The following PRKCA variants were observed in gnomAD, a reference collection of about 807,000 sequenced individuals.
The protein encoded by PRKCA is protein kinase C alpha type.
A neutral mutation model predicts 87.0 loss-of-function variants in PRKCA; 27 were observed. The observed-to-expected ratio is 0.31, with a 90% confidence interval of 0.23 to 0.43. The LOEUF is 0.43. Ranked by LOEUF, PRKCA falls within the 20% of genes least tolerant of loss-of-function variation. The pLI is 1.00. For synonymous variants in PRKCA, 329 were observed against 311.1 expected, an observed-to-expected ratio of 1.06 and a Z score of -0.61; for missense variants, 518 against 852.3, an observed-to-expected ratio of 0.61 and a Z score of 4.88.
At chr17:66,758,422 A>G (rs1974606656) in intron 13 of PRKCA, among the ~76,000 whole-genome samples, 1 of 152,196 alleles carries the variant, frequency 6.6e-6, no homozygotes, top group Admixed American at 6.5e-5. Context: ...TGAAGCATAC[A>G]GGTCCTGGCA....
chr17:66,310,673 GA>G (rs922146438), intron 2 of PRKCA, among the ~76,000 whole-genome samples: 8 of 151,876 alleles, frequency 5.3e-5, no homozygotes, highest in African/African-American at 1.9e-4. Flanking sequence ...TTTAAGGGAA[GA>G]AAAAAAAGAA....
At chr17:66,321,947 T>C (rs1905696063) in intron 2 of PRKCA, among the ~76,000 whole-genome samples, 1 of 152,224 alleles carries the variant, frequency 6.6e-6, no homozygotes, top group African/African-American at 2.4e-5. Flanking sequence ...AAACCATCCT[T>C]GGCTCTAACA....
At chr17:66,647,574 A>G (rs182564080) in intron 5 of PRKCA, among the ~76,000 whole-genome samples, 1 of 152,338 alleles carries the variant, frequency 6.6e-6, no homozygotes, top group East Asian at 1.9e-4. Context: ...ACCTTCCAGT[A>G]TCTCCTATAA....
At chr17:66,473,629 T>C (rs1294896179) in intron 2 of PRKCA, among the ~76,000 whole-genome samples, 2 of 152,166 alleles carry the variant, frequency 1.3e-5, no homozygotes, top group East Asian at 1.9e-4. Flanking sequence ...TTAAGGAGTA[T>C]AGTGTCTAGC....
chr17:66,522,473 C>T (rs1466925652), intron 3 of PRKCA, among the ~76,000 whole-genome samples: 1 of 152,054 alleles, frequency 6.6e-6, no homozygotes, highest in Non-Finnish European at 1.5e-5. Flanking sequence ...GTAGGAGCAC[C>T]TTGAGCGAAG....
At chr17:66,385,799 T>C (rs1005030140) in intron 2 of PRKCA, among the ~76,000 whole-genome samples, 1 of 152,174 alleles carries the variant, frequency 6.6e-6, no homozygotes, top group Non-Finnish European at 1.5e-5. Context: ...CATCTTGCTG[T>C]GTTGCCTAGG....
At chr17:66,417,569 A>G (rs1003797145) in intron 2 of PRKCA, among the ~76,000 whole-genome samples, 2 of 152,108 alleles carry the variant, frequency 1.3e-5, no homozygotes, top group Admixed American at 1.3e-4. Flanking sequence ...GCAAACACTC[A>G]TCACATGTAC....
At chr17:66,409,441 A>G (rs1021146867) in intron 2 of PRKCA, among the ~76,000 whole-genome samples, 4 of 152,214 alleles carry the variant, frequency 2.6e-5, no homozygotes, top group African/African-American at 9.6e-5. Context: ...TAGGGATGGA[A>G]AAACTTAGGA....
chr17:66,489,964 AG>A (rs1272776380), intron 2 of PRKCA, among the ~76,000 whole-genome samples: 1 of 151,712 alleles, frequency 6.6e-6, no homozygotes, highest in Non-Finnish European at 1.5e-5. Context: ...TAATTTTAGT[AG>A]AGACAGGGTT....
At chr17:66,595,573 C>A (rs1002226115) in intron 3 of PRKCA, among the ~76,000 whole-genome samples, 1 of 149,736 alleles carries the variant, frequency 6.7e-6, no homozygotes, top group African/African-American at 2.5e-5. Context: ...TATTCTCCTG[C>A]CTCAGCCTCC....
At chr17:66,790,068 C>T (rs1213801732) in intron 16 of PRKCA, among the ~76,000 whole-genome samples, 1 of 152,226 alleles carries the variant, frequency 6.6e-6, no homozygotes, top group Non-Finnish European at 1.5e-5. Flanking sequence ...AGAAGCATCG[C>T]CCTGTTGGTT....
chr17:66,496,419 G>A (rs1916476257), intron 3 of PRKCA, 136 bp downstream of exon 3: 2 of 694,292 alleles, frequency 2.9e-6, no homozygotes, highest in African/African-American at 1.8e-5. Flanking sequence ...TTGGCTTGTA[G>A]TAATGAGCAG....
chr17:66,662,968 A>G (rs959048174), intron 5 of PRKCA, among the ~76,000 whole-genome samples: 1 of 152,160 alleles, frequency 6.6e-6, no homozygotes, highest in African/African-American at 2.4e-5. Context: ...GTGTATGGGA[A>G]AGTCGTCGAT....
At chr17:66,681,801 C>T (rs1972502249) in intron 5 of PRKCA, among the ~76,000 whole-genome samples, 1 of 152,230 alleles carries the variant, frequency 6.6e-6, no homozygotes, top group Admixed American at 6.5e-5. Context: ...GATGGCCTGA[C>T]TTTCCCCTGT....
At chr17:66,735,804 A>C (rs991689616) in intron 10 of PRKCA, 142 bp downstream of exon 10, 4 of 850,754 alleles carry the variant, frequency 4.7e-6, no homozygotes, top group Non-Finnish European at 5.3e-6. Context: ...ACTGGGGACC[A>C]CCTCCCACCT....
chr17:66,609,002 AT>A (rs1970281613), intron 3 of PRKCA, among the ~76,000 whole-genome samples: 1 of 152,220 alleles, frequency 6.6e-6, no homozygotes, highest in South Asian at 2.1e-4. Flanking sequence ...GAACGAGGCC[AT>A]GCAGTTTGCG....
chr17:66,423,790 G>A (rs1598660106), intron 2 of PRKCA, among the ~76,000 whole-genome samples: 1 of 149,160 alleles, frequency 6.7e-6, no homozygotes, highest in Admixed American at 6.9e-5. Context: ...TAATTAGTCT[G>A]GGAGCGCTTC....
At chr17:66,690,199 G>A (rs1255838757) in intron 8 of PRKCA, among the ~76,000 whole-genome samples, 4 of 152,226 alleles carry the variant, frequency 2.6e-5, no homozygotes, top group South Asian at 2.1e-4. Context: ...CTGATGTTTG[G>A]TTAAAGTTGA....
chr17:66,746,625 G>A (rs1031415985), intron 13 of PRKCA, among the ~76,000 whole-genome samples: 18 of 152,128 alleles, frequency 1.2e-4, no homozygotes, highest in Non-Finnish European at 2.2e-4. Context: ...CCTTGAAATC[G>A]ATTAATACCT....
Sources: gnomAD v4.1 joint callset for allele counts (sites outside exome capture counted in the v4.1 genomes callset) on GRCh38, gnomAD v4.1.1 for gene constraint, MANE v1.5 for transcripts, NCBI Gene and HGNC (gene_info 2026-07-23, HGNC 2026-07-21) for gene names.